The following ERP44 variants were observed in gnomAD, a reference collection of about 807,000 sequenced individuals.
ERP44 encodes endoplasmic reticulum resident protein 44.
In ERP44, 25 loss-of-function variants were observed where a neutral mutation model predicts 53.4. The ratio of observed to expected loss-of-function variants is 0.47; its 90% CI spans 0.34 to 0.65. The LOEUF (loss-of-function observed/expected upper bound fraction) is 0.65. Ranked by LOEUF, ERP44 falls within the 30% of genes least tolerant of loss-of-function variation. ERP44 has a pLI of 0.01. For missense variants in ERP44, 338 were observed against 493.2 expected (o/e 0.69, Z 2.98); for synonymous variants, 145 against 161.2 (o/e 0.90, Z 0.76).
chr9:100,090,659 G>C (rs1259280959), intron 1 of ERP44, among the ~76,000 whole-genome samples: 1 of 151,762 alleles, frequency 6.6e-6, no homozygotes, highest in Admixed American at 6.6e-5. Context: ...TGAGGCAGGA[G>C]AATCACTAGA....
At chr9:100,011,235 A>ATATAG (rs1307663657) in intron 8 of ERP44, among the ~76,000 whole-genome samples, 1 of 152,146 alleles carries the variant, frequency 6.6e-6, no homozygotes, top group Non-Finnish European at 1.5e-5. Flanking sequence ...TGGTACTATA[A>ATATAG]AACTATGACA....
chr9:99,984,431 A>G (rs1830177640), intron 11 of ERP44, among the ~76,000 whole-genome samples: 1 of 152,186 alleles, frequency 6.6e-6, no homozygotes, highest in African/African-American at 2.4e-5. Context: ...AACATAAAAG[A>G]ACATAAAATT....
At chr9:100,086,522 C>T (rs548616471) in intron 1 of ERP44, among the ~76,000 whole-genome samples, 51 of 152,196 alleles carry the variant, frequency 3.4e-4, no homozygotes, top group Non-Finnish European at 6.9e-4. Flanking sequence ...AACAACATTT[C>T]CTTCTCTACT....
intron 1 of ERP44, among the ~76,000 whole-genome samples, chr9:100,068,320 CGGGA>C (rs1324281015): frequency 7.7e-6 from 1 of 130,668 alleles, no homozygotes; most frequent in Non-Finnish European, 1.6e-5. Context: ...CTGCCCCGTC[CGGGA>C]GGGAGGTGGG....
At chr9:100,078,010 A>G (rs1407096479) in intron 1 of ERP44, among the ~76,000 whole-genome samples, 1 of 152,256 alleles carries the variant, frequency 6.6e-6, no homozygotes, top group East Asian at 1.9e-4. Context: ...GTGCTTGCTG[A>G]AAGCAAAGGA....
chr9:99,989,709 G>A (rs145979814), intron 10 of ERP44, among the ~76,000 whole-genome samples: 145 of 152,274 alleles, frequency 9.5e-4, no homozygotes, highest in African/African-American at 3.4e-3. Context: ...GCTTCAGAAG[G>A]TCGGTAATAA....
At chr9:100,050,084 C>T (rs1204210975) in intron 4 of ERP44, among the ~76,000 whole-genome samples, 1 of 149,308 alleles carries the variant, frequency 6.7e-6, no homozygotes, top group Non-Finnish European at 1.5e-5. Flanking sequence ...CTGTATGATT[C>T]ACTTATATAA....
chr9:100,080,701 G>A (rs1323324597), intron 1 of ERP44, among the ~76,000 whole-genome samples: 2 of 152,174 alleles, frequency 1.3e-5, no homozygotes, highest in Admixed American at 1.3e-4. Context: ...GATGAAGAGA[G>A]TAGTGAATCC....
intron 1 of ERP44, among the ~76,000 whole-genome samples, chr9:100,081,837 T>A (rs192647549): frequency 1.3e-5 from 2 of 152,232 alleles, no homozygotes; most frequent in Middle Eastern, 6.8e-3. Flanking sequence ...AGGAAAAACG[T>A]TGTAGGTATA....
At chr9:99,993,772 G>C (rs570545797) in intron 10 of ERP44, among the ~76,000 whole-genome samples, 40 of 152,268 alleles carry the variant, frequency 2.6e-4, no homozygotes, top group African/African-American at 9.4e-4. Context: ...ATCTGACAAA[G>C]GGGTAATAAC....
rs1180653550 is a variant in ERP44, at chr9:100,063,764, C to T, written c.58-3592G>A. Among the ~76,000 whole-genome samples the T allele has an allele frequency of 1.4e-4, 22 of 152,274 alleles. No individual in the cohort carries two copies. The East Asian group carries it at 3.9e-3, about 27-fold the overall frequency. ...AGATATGAACTTAGGAAGTATTTTACAACTTGGTCATTCTCTCCAGCTTAT... is the reference window on the plus strand; with the variant it reads ...AGATATGAACTTAGGAAGTATTTTATAACTTGGTCATTCTCTCCAGCTTAT... On this transcript the variant is annotated intron_variant, in intron 1 of 11. Transcript: ENST00000262455.
At chr9:100,068,961 C>T (rs916824141) in intron 1 of ERP44, among the ~76,000 whole-genome samples, 2 of 152,176 alleles carry the variant, frequency 1.3e-5, no homozygotes, top group Non-Finnish European at 2.9e-5. Flanking sequence ...AATTCTTCTG[C>T]CGTGGGATCC....
intron 10 of ERP44, chr9:99,998,254 T>G (rs764669068): frequency 4.3e-5 from 13 of 303,212 alleles, no homozygotes; most frequent in Non-Finnish European, 7.8e-5. Flanking sequence ...TTTACACATT[T>G]CTGGGATACC....
At chr9:100,098,662 T>C (rs1587990563) in intron 1 of ERP44, 122 bp downstream of exon 1, 2 of 758,630 alleles carry the variant, frequency 2.6e-6, no homozygotes, top group South Asian at 1.7e-5. Context: ...CGGGGGAGGG[T>C]GCACTCCAAA....
intron 10 of ERP44, among the ~76,000 whole-genome samples, chr9:99,993,434 G>A (rs1830276656): frequency 6.6e-6 from 1 of 152,140 alleles, no homozygotes; most frequent in South Asian, 2.1e-4. Context: ...TTTAATAAAT[G>A]GTGCTGGGAA....
intron 1 of ERP44, among the ~76,000 whole-genome samples, chr9:100,094,974 GAAA>G (rs942932783): frequency 1.8e-4 from 9 of 51,072 alleles, no homozygotes; most frequent in African/African-American, 5.4e-4. Context: ...TCTGCCTCAA[GAAA>G]AAAAAAAAAA....
At chr9:99,999,621 A>G (rs1310009289) in intron 10 of ERP44, among the ~76,000 whole-genome samples, 2 of 151,900 alleles carry the variant, frequency 1.3e-5, no homozygotes, top group East Asian at 3.9e-4. Flanking sequence ...CCTTTTTCCC[A>G]TTCTGTAGGT....
rs754861065 is a variant in ERP44 at position 100,022,114 on chromosome 9, T to C, written c.399A>G (p.Ala133=). 1.2e-6 allele frequency: 2 copies of C among 1,613,990 alleles called. No individual in the cohort carries two copies. Among genetic ancestry groups the C allele is most frequent in the Non-Finnish European group, 8.5e-7 (1 of 1,179,896 alleles). ...CACTTTTTTGTTGCCTGATGTAATCTGCCAATGCTTTCACTGATCGCTGAC... is the reference window on the plus strand; with the variant it reads ...CACTTTTTTGTTGCCTGATGTAATCCGCCAATGCTTTCACTGATCGCTGAC... ...YRGQRSVKAL[A]DYIRQQKSDP... is the part of the protein sequence containing the mutation. The change falls in exon 5 of 12, where the codon GCA becomes GCG. Residue 133 remains alanine (A), a synonymous_variant. Transcript: ENST00000262455.
intron 4 of ERP44, among the ~76,000 whole-genome samples, chr9:100,024,236 GAA>G (rs1348415979): frequency 6.6e-6 from 1 of 151,176 alleles, no homozygotes; most frequent in Non-Finnish European, 1.5e-5. Context: ...GAGACTGGCT[GAA>G]TAAAGTATGG....
Sources: allele counts gnomAD v4.1 joint callset (sites outside exome capture counted in the v4.1 genomes callset), GRCh38; gene constraint gnomAD v4.1.1; transcripts MANE v1.5; gene names NCBI Gene and HGNC (gene_info 2026-07-23, HGNC 2026-07-21).